FAM78A: variants seen among roughly 807,000 people sequenced by gnomAD.
FAM78A encodes protein FAM78A.
A neutral mutation model predicts 22.6 loss-of-function variants in FAM78A; 12 were observed. The observed-to-expected ratio is 0.53, with a 90% CI of 0.34 to 0.86. The LOEUF (loss-of-function observed/expected upper bound fraction) is 0.86. Among genes scored for constraint, FAM78A ranks in the 40% least tolerant of loss-of-function variants. The pLI, the probability that FAM78A is intolerant of heterozygous loss-of-function variation, is 0.02. For synonymous variants in FAM78A, 151 were observed against 155.8 expected, an observed-to-expected ratio of 0.97 and a Z score of 0.23; for missense variants, 322 against 396.1, an observed-to-expected ratio of 0.81 and a Z score of 1.59.
In FAM78A at chr9:131,275,951, T is replaced by A; in HGVS notation, c.229A>T (p.Met77Leu). The stretch of plus-strand genomic sequence containing the variant: ...GTCTCCTTCTTGGGGATGGGCGGCA[T>A]GACCACCTGGGCCGAGGCCCGGAAG... ...PHFRASAQVVMPPIPKKETWV... is the reference protein window; with the variant it reads ...PHFRASAQVVLPPIPKKETWV... Residue 77 changes from methionine to leucine, a missense_variant, in exon 1 of 2, where the codon ATG becomes TTG. Transcript: ENST00000372271. This position sits in a 1 kb window ranked among gnomAD's most constrained non-coding sequence, Gnocchi z 4.6. 1 of 1,613,488 alleles carries A rather than the reference T, an allele frequency of 6.2e-7. No individual in the cohort carries two copies. Among genetic ancestry groups the A allele is most frequent in the Non-Finnish European group, 8.5e-7 (1 of 1,179,998 alleles).
In FAM78A at chr9:131,261,298, C is replaced by T. The variant is rs1235105622; in HGVS notation, c.376G>A (p.Asp126Asn). 1.9e-6 allele frequency: 3 copies of T among 1,604,236 alleles called. No homozygotes were observed. The highest frequency in any genetic ancestry group is 2.5e-6 in the Non-Finnish European group (3 of 1,179,166). ...CAGGGGTAGTTCACCCCATCCGAGT[C>T]GCTGATGGCTTGGATCTTGCCCTCC... ...LQEGKIQAISDSDGVNYPWYG... is the reference protein window; with the variant it reads ...LQEGKIQAISNSDGVNYPWYG... Residue 126 changes from aspartate (D) to asparagine (N), a missense_variant, in exon 2 of 2, where the codon GAC (aspartate) becomes AAC (asparagine). Asp to Asn is a conservative substitution (Grantham distance 23). Transcript: ENST00000372271. This position sits in a 1 kb window ranked among gnomAD's most constrained non-coding sequence, Gnocchi z 7.1.
chr9:131,267,064 G>T (rs975311805), intron 1 of FAM78A, among the ~76,000 whole-genome samples: 1 of 152,216 alleles, frequency 6.6e-6, no homozygotes, highest in East Asian at 1.9e-4. Flanking sequence ...GGCCGGGGCT[G>T]TGGGGAGCAT....
At chr9:131,278,510 C>T (rs142221387), upstream of FAM78A, among the ~76,000 whole-genome samples, 34 of 152,260 alleles carry the variant, frequency 2.2e-4, no homozygotes, top group Middle Eastern at 0.01. Context: ...TGTTGGACCC[C>T]GGCTGTGTGA....
At chr9:131,278,636 AG>A (rs1006576792), upstream of FAM78A, among the ~76,000 whole-genome samples, 4 of 152,186 alleles carry the variant, frequency 2.6e-5, no homozygotes, top group Non-Finnish European at 4.4e-5. Flanking sequence ...GATTTGCCCA[AG>A]GTCCTTCCCC....
intron 1 of FAM78A, chr9:131,263,626 A>G (rs941077096): frequency 5.9e-6 from 1 of 169,602 alleles, no homozygotes; most frequent in African/African-American, 2.4e-5. Flanking sequence ...TTAATAATAA[A>G]ATAAAATGGT....
At position 131,276,499 on chromosome 9, in the gene FAM78A, A is replaced by G; in HGVS notation, c.-320T>C. The G allele has an allele frequency of 4.9e-6, 1 of 206,014 alleles. No homozygotes were observed. Among genetic ancestry groups the G allele is most frequent in the Admixed American group, 5.7e-5 (1 of 17,412 alleles). 12.8% of individuals were successfully genotyped at this position (206,014 alleles called of 1,614,324 possible). ...ACGGCAGCTCGCAGACTCTCCCTGA[A>G]GTCTTCGGAGGAAGCAGGCGAGCGC... On this transcript the variant is annotated 5_prime_UTR_variant, in exon 1 of 2. Transcript: ENST00000372271. The surrounding 1 kb of genome is among the most constrained non-coding windows in gnomAD (Gnocchi z 4.3).
rs1038643567 is a variant in FAM78A at position 131,276,468 on chromosome 9, G to A, written c.-289C>T. On this transcript the variant is annotated 5_prime_UTR_variant, in exon 1 of 2. Coordinates refer to ENST00000372271, the MANE Select transcript of FAM78A (RefSeq NM_033387.4). This position sits in a 1 kb window ranked among gnomAD's most constrained non-coding sequence, Gnocchi z 4.3. ...CATCCAGCCCTTCTGTGCCTCACACGCGGGGACGGCAGCTCGCAGACTCTC... is the reference window on the plus strand; with the variant it reads ...CATCCAGCCCTTCTGTGCCTCACACACGGGGACGGCAGCTCGCAGACTCTC... The A allele has an allele frequency of 7.5e-5, 21 of 278,732 alleles. No homozygotes were observed. The highest frequency in any genetic ancestry group is 4.2e-4 in the African/African-American group (19 of 45,084). 17.3% of individuals were successfully genotyped at this position (278,732 alleles called of 1,614,324 possible). A position where few individuals can be genotyped will look rare whatever the true frequency, so the allele number is the denominator to read the frequency against.
At chr9:131,270,407 A>C (rs1192922293) in intron 1 of FAM78A, 9 of 717,596 alleles carry the variant, frequency 1.3e-5, no homozygotes, top group Non-Finnish European at 2.3e-5. Context: ...AAAGGATATC[A>C]GTATGTAACT....
At chr9:131,277,877 C>T (rs1461490505), upstream of FAM78A, among the ~76,000 whole-genome samples, 9 of 151,366 alleles carry the variant, frequency 5.9e-5, no homozygotes, top group East Asian at 1.8e-3. The surrounding 1 kb of genome is among the most constrained non-coding windows in gnomAD (Gnocchi z 8.4). Context: ...CGCGCTGCCT[C>T]GCTCTGCTGC....
rs556156895 is a variant in FAM78A at position 131,265,440 on chromosome 9, G to A, written c.324-4090C>T. Among the ~76,000 whole-genome samples, 110 of 152,204 alleles carry A rather than the reference G, an allele frequency of 7.2e-4. No homozygotes were observed. The highest frequency in any genetic ancestry group is 2.5e-3 in the African/African-American group (103 of 41,528). On this transcript the variant is annotated intron_variant, in intron 1 of 1. Transcript: ENST00000372271. This position sits in a 1 kb window ranked among gnomAD's most constrained non-coding sequence, Gnocchi z 4.3. ...CGGACTAATTATTTAGTAGAGATGG[G>A]GTTTCACCGTGTTATTCAGGTTGGT...
chr9:131,265,795 C>T lies in FAM78A; in HGVS notation c.324-4445G>A, dbSNP rs983505269. On this transcript the variant is annotated intron_variant, in intron 1 of 1. Transcript: ENST00000372271. This position sits in a 1 kb window ranked among gnomAD's most constrained non-coding sequence, Gnocchi z 4.3. ...TGTCCAGTCTAGGAGCCCAGCAGGCCGTTCACCTCCATGGCTGTGGGCAGA... is the reference window on the plus strand; with the variant it reads ...TGTCCAGTCTAGGAGCCCAGCAGGCTGTTCACCTCCATGGCTGTGGGCAGA... Among the ~76,000 whole-genome samples the T allele has an allele frequency of 2.0e-4, 30 of 152,168 alleles. No individual in the cohort carries two copies. The highest frequency in any genetic ancestry group is 6.8e-4 in the African/African-American group (28 of 41,446).
chr9:131,265,109 TAC>T lies in FAM78A; in HGVS notation c.324-3761_324-3760del, dbSNP rs1443645800. On this transcript the variant is annotated intron_variant, in intron 1 of 1. Transcript: ENST00000372271. This position sits in a 1 kb window ranked among gnomAD's most constrained non-coding sequence, Gnocchi z 4.3. ...GCTTTTTGTCCACCATTCTTTTGAT[TAC>T]AGATTTTATTGGTATTTTTCTTCTG... Among the ~76,000 whole-genome samples the T allele has an allele frequency of 1.3e-5, 2 of 152,250 alleles. No individual in the cohort carries two copies. Among genetic ancestry groups the T allele is most frequent in the Non-Finnish European group, 2.9e-5 (2 of 68,044 alleles).
intron 1 of FAM78A, among the ~76,000 whole-genome samples, chr9:131,268,720 G>C (rs112948342): frequency 1.8e-4 from 27 of 152,038 alleles, no homozygotes; most frequent in African/African-American, 6.3e-4. Context: ...GTGAAACCCC[G>C]TCTCTACTAA....
In FAM78A at chr9:131,275,919, TACCC is replaced by T. The variant is rs754437700; in HGVS notation, c.257_260del (p.Trp86Ter). 2 of 1,612,796 alleles carry T rather than the reference TACCC, an allele frequency of 1.2e-6. No individual in the cohort carries two copies. The highest frequency in any genetic ancestry group is 1.3e-5 in the African/African-American group (1 of 74,908). On this transcript the variant is annotated frameshift_variant, in exon 1 of 2. Coordinates refer to ENST00000372271, the MANE Select transcript of FAM78A (RefSeq NM_033387.4). LOFTEE classifies it high-confidence loss of function. This position sits in a 1 kb window ranked among gnomAD's most constrained non-coding sequence, Gnocchi z 4.6. ...GGCTGCACGCCTGGATCCAGCCAAC[TACCC>T]AAGTCTCCTTCTTGGGGATGGGCGG...
intron 1 of FAM78A, among the ~76,000 whole-genome samples, chr9:131,273,773 C>A (rs1835447322): frequency 1.3e-5 from 2 of 152,248 alleles, no homozygotes; most frequent in African/African-American, 4.8e-5. Flanking sequence ...GTATTCACCA[C>A]CAGCTTGGCG....
At position 131,275,840 on chromosome 9, in the gene FAM78A, C is replaced by T. The variant is rs1835475831; in HGVS notation, c.323+17G>A. 1 of 1,559,272 alleles carries T rather than the reference C, an allele frequency of 6.4e-7. No homozygotes were observed. The highest frequency in any genetic ancestry group is 8.7e-7 in the Non-Finnish European group (1 of 1,150,358). ...CATCCCTAGCAGTTCCCAGAGCTGG[C>T]TCTCGGCCGTACTCACATGCCCTGC... On this transcript the variant is annotated intron_variant, in intron 1 of 1. Transcript: ENST00000372271. This position sits in a 1 kb window ranked among gnomAD's most constrained non-coding sequence, Gnocchi z 4.6.
At position 131,265,951 on chromosome 9, in the gene FAM78A, C is replaced by A. The variant is rs1835338576; in HGVS notation, c.324-4601G>T. Among the ~76,000 whole-genome samples, 1 of 152,200 alleles carries A rather than the reference C, an allele frequency of 6.6e-6. No homozygotes were observed. Among genetic ancestry groups the A allele is most frequent in the Non-Finnish European group, 1.5e-5 (1 of 68,032 alleles). On this transcript the variant is annotated intron_variant, in intron 1 of 1. Transcript: ENST00000372271. The surrounding 1 kb of genome is among the most constrained non-coding windows in gnomAD (Gnocchi z 4.3). ...TGGCTTCCTCAGCCTCCCGCAGCGT[C>A]CCTGTCCTGAGTCCCATCATCACCC...
rs1835223941 is a variant in FAM78A at position 131,258,953 on chromosome 9, C to T, written c.*1869G>A. ...GACAGCCTCCTGGCACGAGCTGGGC[C>T]CGGAGACCGACGGCAGTGGCTAAAC... On this transcript the variant is annotated 3_prime_UTR_variant, in exon 2 of 2. Transcript: ENST00000372271. 1 of 152,588 alleles carries T rather than the reference C, an allele frequency of 6.6e-6. No individual in the cohort carries two copies. The highest frequency in any genetic ancestry group is 1.5e-5 in the Non-Finnish European group (1 of 68,076). The allele number at this position is 152,588 out of a possible 1,614,324, so 9.5% of individuals were successfully genotyped here. A position where few individuals can be genotyped will look rare whatever the true frequency, so the allele number is the denominator to read the frequency against.
In FAM78A at chr9:131,260,427, A is replaced by G; in HGVS notation, c.*395T>C. On this transcript the variant is annotated 3_prime_UTR_variant, in exon 2 of 2. Coordinates refer to ENST00000372271, the MANE Select transcript of FAM78A (RefSeq NM_033387.4). The surrounding 1 kb of genome is among the most constrained non-coding windows in gnomAD (Gnocchi z 5.4). ...GCAGCAGTGTGGATCTGTCTCTTTG[A>G]TCGGGGGCTGGAGCTTCCCTCCTAA... The G allele has an allele frequency of 5.9e-6, 1 of 168,686 alleles. No individual in the cohort carries two copies. Among genetic ancestry groups the G allele is most frequent in the African/African-American group, 2.4e-5 (1 of 42,092 alleles). The allele number at this position is 168,686 out of a possible 1,614,324, so 10.4% of individuals were successfully genotyped here. A position where few individuals can be genotyped will look rare whatever the true frequency, so the allele number is the denominator to read the frequency against.
Sources: allele counts gnomAD v4.1 joint callset (sites outside exome capture counted in the v4.1 genomes callset), GRCh38; gene constraint gnomAD v4.1.1; non-coding constraint Gnocchi (gnomAD v3.1); transcripts MANE v1.5; gene names NCBI Gene and HGNC (gene_info 2026-07-23, HGNC 2026-07-21).